Variants in GRIP1 observed in about 807,000 individuals in gnomAD.
GRIP1 encodes the protein glutamate receptor-interacting protein 1.
GRIP1 carries 45 observed loss-of-function variants against 129.9 expected under a neutral mutation model. That is an observed-to-expected ratio of 0.35 (90% confidence interval 0.27 to 0.44). GRIP1 has a LOEUF of 0.44. Ranked by LOEUF, GRIP1 falls within the 20% of genes least tolerant of loss-of-function variation. The pLI is 1.00. For missense variants in GRIP1, 1,196 were observed against 1,396.8 expected, an observed-to-expected ratio of 0.86 and a Z score of 2.29; for synonymous variants, 530 against 520.8, an observed-to-expected ratio of 1.02 and a Z score of -0.24.
chr12:66,824,705 G>A (rs540816193), intron 1 of GRIP1, among the ~76,000 whole-genome samples: 36 of 152,238 alleles, frequency 2.4e-4, no homozygotes, highest in Admixed American at 2.6e-4. Flanking sequence ...CACTCGAAGT[G>A]AATTCACTTA....
chr12:66,396,499 C>T (rs1021687678), intron 16 of GRIP1, among the ~76,000 whole-genome samples: 57 of 152,092 alleles, frequency 3.7e-4, no homozygotes, highest in African/African-American at 1.3e-3. Context: ...TAACTTGAGA[C>T]GCAAAGATGA....
At chr12:66,772,972 C>T (rs561269650) in intron 1 of GRIP1, among the ~76,000 whole-genome samples, 1 of 152,292 alleles carries the variant, frequency 6.6e-6, no homozygotes, top group East Asian at 1.9e-4. Flanking sequence ...ATGAAACTTC[C>T]TACACCAAGT....
intron 1 of GRIP1, among the ~76,000 whole-genome samples, chr12:66,709,105 G>T (rs1012338874): frequency 6.6e-6 from 1 of 151,740 alleles, no homozygotes; most frequent in Admixed American, 6.6e-5. Context: ...CAAATAAAAA[G>T]AAATACTCAA....
At chr12:66,606,596 C>T (rs1191116520) in intron 1 of GRIP1, among the ~76,000 whole-genome samples, 1 of 152,146 alleles carries the variant, frequency 6.6e-6, no homozygotes, top group Non-Finnish European at 1.5e-5. Context: ...CTTATCTCTT[C>T]TCACAATAAC....
In GRIP1 at chr12:66,873,659, T is replaced by C. The variant is rs1278516691; in HGVS notation, c.58+195391A>G. Among the ~76,000 whole-genome samples, 5 of 152,082 alleles carry C rather than the reference T, an allele frequency of 3.3e-5. No individual in the cohort carries two copies. The South Asian group carries it at 6.2e-4, about 19-fold the overall frequency. ...CTTTTAGTTACAGTCAAAGCTATTATATAGTTTGTATTTTCTTCCAGCTTA... is the reference window on the plus strand; with the variant it reads ...CTTTTAGTTACAGTCAAAGCTATTACATAGTTTGTATTTTCTTCCAGCTTA... On this transcript the variant is annotated intron_variant, in intron 1 of 1. Coordinates refer to the GRIP1 transcript ENST00000643019.
chr12:66,821,184 T>C lies in GRIP1; in HGVS notation c.59-224257A>G, dbSNP rs118109397. ...AAGCTACTCCAAAATATAAATTCTA[T>C]TTAAAGAAAAAAAATCAACCTAGCC... On this transcript the variant is annotated intron_variant, in intron 1 of 1. Transcript: ENST00000643019. Among the ~76,000 whole-genome samples the C allele has an allele frequency of 8.5e-5, 13 of 152,254 alleles. No homozygotes were observed. The East Asian group carries it at 2.5e-3, about 29-fold the overall frequency.
chr12:66,723,300 CTTTCTTTTTTT>C lies in GRIP1; in HGVS notation c.-420+80742_-420+80752del, dbSNP rs2036144511. 8.0e-4 allele frequency among the ~76,000 whole-genome samples: 34 copies of C among 42,556 alleles called. 4 individuals carry two copies. In the South Asian group the frequency reaches 9.6e-3, roughly 12 times the overall value. 27.9% of individuals were successfully genotyped at this position (42,556 alleles called of 152,430 possible). On this transcript the variant is annotated intron_variant, in intron 1 of 4. Transcript: ENST00000538373. Reference sequence around the variant, plus strand: ...CCTTCCTTCCTTTCTTTCTTTCTTTCTTTCTTTTTTTTTTTTTTTTTTTTTTTTTTGAGACA... The same window carrying C: ...CCTTCCTTCCTTTCTTTCTTTCTTTCTTTTTTTTTTTTTTTTTTTGAGACA...
At chr12:66,957,427 T>C (rs1470304942) in intron 1 of GRIP1, among the ~76,000 whole-genome samples, 3 of 151,196 alleles carry the variant, frequency 2.0e-5, no homozygotes, top group African/African-American at 7.3e-5. Context: ...AATATATATA[T>C]ATATATATAT....
chr12:66,903,172 T>C (rs894282461), intron 1 of GRIP1, among the ~76,000 whole-genome samples: 2 of 152,146 alleles, frequency 1.3e-5, no homozygotes, highest in African/African-American at 4.8e-5. Context: ...TAAATCAACA[T>C]GCAAAAAAGC....
chr12:66,951,665 C>T (rs1325769111), intron 1 of GRIP1, among the ~76,000 whole-genome samples: 1 of 152,204 alleles, frequency 6.6e-6, no homozygotes, highest in Admixed American at 6.5e-5. Flanking sequence ...TTATTCTAGT[C>T]CCTAACAGCA....
intron 1 of GRIP1, among the ~76,000 whole-genome samples, chr12:67,065,739 G>A (rs1197517806): frequency 6.6e-6 from 1 of 152,028 alleles, no homozygotes; most frequent in African/African-American, 2.4e-5. Flanking sequence ...GTATGGTACC[G>A]GCAAAAGAAA....
intron 1 of GRIP1, among the ~76,000 whole-genome samples, chr12:66,821,556 A>T (rs1319763807): frequency 3.3e-5 from 5 of 152,052 alleles, no homozygotes; most frequent in Non-Finnish European, 5.9e-5. Flanking sequence ...CTGCAAAGAT[A>T]AAAAAAAGTC....
At chr12:66,519,877 T>C (rs954742811) in intron 5 of GRIP1, among the ~76,000 whole-genome samples, 2 of 152,228 alleles carry the variant, frequency 1.3e-5, no homozygotes, top group African/African-American at 4.8e-5. Context: ...GTAAAGCAAC[T>C]TCATGGCAGA....
At chr12:66,506,810 G>A (rs1447822145) in intron 7 of GRIP1, among the ~76,000 whole-genome samples, 1 of 152,054 alleles carries the variant, frequency 6.6e-6, no homozygotes, top group Non-Finnish European at 1.5e-5. Context: ...ATAGTAAGTG[G>A]CTCTGAGTTT....
At chr12:66,457,197 T>A (rs1048653650) in intron 9 of GRIP1, among the ~76,000 whole-genome samples, 5 of 152,184 alleles carry the variant, frequency 3.3e-5, no homozygotes, top group Non-Finnish European at 7.4e-5. Context: ...ATGAGCAATA[T>A]AATGTTTGTT....
At chr12:66,770,604 G>A (rs2037787689) in intron 1 of GRIP1, among the ~76,000 whole-genome samples, 1 of 152,168 alleles carries the variant, frequency 6.6e-6, no homozygotes, top group African/African-American at 2.4e-5. Context: ...CCGTAAAGTG[G>A]CCAGACACAA....
intron 14 of GRIP1, 53 bp downstream of exon 14, chr12:66,432,493 AAC>A (rs2137967370): frequency 1.9e-6 from 2 of 1,051,612 alleles, no homozygotes; most frequent in East Asian, 2.4e-5. Context: ...ACCATTTGAC[AAC>A]ACAGTTTTCT....
intron 1 of GRIP1, among the ~76,000 whole-genome samples, chr12:66,855,752 A>C (rs1220974497): frequency 6.6e-6 from 1 of 152,004 alleles, no homozygotes; most frequent in African/African-American, 2.4e-5. Context: ...TGGAGACATG[A>C]ACAGAACTAC....
upstream of GRIP1, among the ~76,000 whole-genome samples, chr12:66,805,170 A>C (rs1056280863): frequency 2.6e-5 from 4 of 152,234 alleles, no homozygotes; most frequent in Non-Finnish European, 4.4e-5. Flanking sequence ...AAAAACATGA[A>C]AGTAAATGGG....
Sources: allele counts gnomAD v4.1 joint callset (sites outside exome capture counted in the v4.1 genomes callset), GRCh38; gene constraint gnomAD v4.1.1; transcripts MANE v1.5; gene names NCBI Gene and HGNC (gene_info 2026-07-23, HGNC 2026-07-21).